The following CHODL variants were observed in gnomAD, a reference collection of about 807,000 sequenced individuals.
CHODL encodes transmembrane protein MT75.
In CHODL, 29 loss-of-function variants were observed where a neutral mutation model predicts 34.5. The ratio of observed to expected loss-of-function variants is 0.84; its 90% CI spans 0.63 to 1.15. The LOEUF is 1.15. CHODL is among the 50% of genes most tolerant of loss of function. CHODL has a pLI of 0.00. For missense variants in CHODL, 332 were observed against 332.5 expected (o/e 1.00, Z 0.01); for synonymous variants, 125 against 116.1 (o/e 1.08, Z -0.49).
intron 2 of CHODL, among the ~76,000 whole-genome samples, chr21:18,064,873 T>C (rs1419049741): frequency 6.6e-6 from 1 of 152,180 alleles, no homozygotes; most frequent in African/African-American, 2.4e-5. Context: ...ATTAGTTAAA[T>C]TAAGTTAAAA....
intron 1 of CHODL, among the ~76,000 whole-genome samples, chr21:17,940,814 C>T (rs1258711733): frequency 6.6e-6 from 1 of 152,216 alleles, no homozygotes; most frequent in East Asian, 1.9e-4. Flanking sequence ...AATAGACGCT[C>T]TTCATCCCCT....
intron 2 of CHODL, among the ~76,000 whole-genome samples, chr21:18,204,663 G>T (rs372649356): frequency 6.6e-6 from 1 of 152,066 alleles, no homozygotes; most frequent in African/African-American, 2.4e-5. Context: ...ATGAAACATA[G>T]CTCATGTTAC....
chr21:18,089,331 T>C (rs1373101879), intron 2 of CHODL, among the ~76,000 whole-genome samples: 2 of 152,166 alleles, frequency 1.3e-5, no homozygotes, highest in African/African-American at 4.8e-5. Flanking sequence ...TATTAATTTA[T>C]CTGTTTTCTT....
intron 1 of CHODL, among the ~76,000 whole-genome samples, chr21:18,249,331 T>C (rs1490325148): frequency 6.6e-6 from 1 of 151,372 alleles, no homozygotes. Context: ...ACAACTTGGC[T>C]AAAGTTATAC....
At chr21:17,941,674 C>T (rs1007218213) in intron 1 of CHODL, among the ~76,000 whole-genome samples, 1 of 152,074 alleles carries the variant, frequency 6.6e-6, no homozygotes, top group African/African-American at 2.4e-5. Flanking sequence ...ATTTGGCTAT[C>T]TATTTTTGGG....
intron 2 of CHODL, among the ~76,000 whole-genome samples, chr21:18,173,877 A>C (rs764973872): frequency 5.3e-5 from 8 of 151,754 alleles, no homozygotes; most frequent in Non-Finnish European, 1.0e-4. Context: ...TTAAAAAAAA[A>C]TTATGCAACC....
At position 18,211,319 on chromosome 21, in the gene CHODL, T is replaced by C. The variant is rs144312954; in HGVS notation, c.-44-45190T>C. On this transcript the variant is annotated intron_variant, in intron 2 of 6. Transcript: ENST00000400127. ...TGAGCTCTAGAAGGCAGGGATTTTC[T>C]GTTTTGTTCAGATCTGTACCTGTAT... Among the ~76,000 whole-genome samples, 647 of 152,304 alleles carry C rather than the reference T, an allele frequency of 4.2e-3. 17 individuals carry two copies. The highest frequency in any genetic ancestry group is 0.033 in the Admixed American group (505 of 15,306).
At chr21:18,098,358 A>T (rs2065166326) in intron 2 of CHODL, among the ~76,000 whole-genome samples, 1 of 151,970 alleles carries the variant, frequency 6.6e-6, no homozygotes, top group African/African-American at 2.4e-5. Context: ...CAATAACTCT[A>T]TAGGAAAAAA....
At chr21:18,095,444 A>G (rs2065128698) in intron 2 of CHODL, among the ~76,000 whole-genome samples, 1 of 152,168 alleles carries the variant, frequency 6.6e-6, no homozygotes, top group Non-Finnish European at 1.5e-5. Context: ...ATAACCTATT[A>G]AGATTGAACC....
chr21:18,112,589 A>G (rs1372986517), intron 2 of CHODL, among the ~76,000 whole-genome samples: 1 of 152,216 alleles, frequency 6.6e-6, no homozygotes, highest in Non-Finnish European at 1.5e-5. Context: ...GGAACAGAAT[A>G]GAGAACTCAG....
chr21:17,967,229 A>G (rs557745117), intron 1 of CHODL, among the ~76,000 whole-genome samples: 2 of 152,148 alleles, frequency 1.3e-5, no homozygotes, highest in African/African-American at 4.8e-5. Flanking sequence ...TTTTATTTTA[A>G]CAGTAGTTTT....
intron 2 of CHODL, among the ~76,000 whole-genome samples, chr21:18,139,588 C>T (rs188471484): frequency 6.6e-6 from 1 of 152,234 alleles, no homozygotes; most frequent in Non-Finnish European, 1.5e-5. Context: ...TGACCACGAC[C>T]TCCACTGTGT....
In CHODL at chr21:18,048,955, A is replaced by G. The variant is rs904493130; in HGVS notation, c.-45+20984A>G. Among the ~76,000 whole-genome samples the G allele has an allele frequency of 4.6e-5, 7 of 151,938 alleles. No homozygotes were observed. The East Asian group carries it at 7.8e-4, about 17-fold the overall frequency. Reference sequence around the variant, plus strand: ...AAAAAAAATAGAATTTTGGTTTACAATGATTTTCAGATGACACTAAAGAAC... The same window carrying G: ...AAAAAAAATAGAATTTTGGTTTACAGTGATTTTCAGATGACACTAAAGAAC... On this transcript the variant is annotated intron_variant, in intron 2 of 6. Transcript: ENST00000400127.
intron 2 of CHODL, among the ~76,000 whole-genome samples, chr21:18,120,433 A>C (rs2065465824): frequency 6.6e-6 from 1 of 152,118 alleles, no homozygotes; most frequent in Non-Finnish European, 1.5e-5. Context: ...TTCTGTCCAC[A>C]TCCCTGTCAT....
At chr21:18,219,287 A>G (rs1359773944) in intron 2 of CHODL, among the ~76,000 whole-genome samples, 1 of 152,168 alleles carries the variant, frequency 6.6e-6, no homozygotes, top group East Asian at 1.9e-4. Context: ...TGATGACAGG[A>G]AGGAGAAGTG....
chr21:18,247,703 G>T (rs1601197752), intron 1 of CHODL, among the ~76,000 whole-genome samples: 1 of 152,044 alleles, frequency 6.6e-6, no homozygotes, highest in African/African-American at 2.4e-5. Flanking sequence ...TATGATGATA[G>T]TAATCAAAGC....
chr21:17,926,377 T>TGG (rs574979326), intron 1 of CHODL, among the ~76,000 whole-genome samples: 169 of 132,062 alleles, frequency 1.3e-3, no homozygotes, highest in African/African-American at 5.5e-3. Flanking sequence ...ATAAGGTGGG[T>TGG]TTTTTTTTTT....
intron 2 of CHODL, among the ~76,000 whole-genome samples, chr21:18,188,611 A>G (rs1409168672): frequency 1.3e-5 from 2 of 152,260 alleles, no homozygotes; most frequent in African/African-American, 2.4e-5. Flanking sequence ...CTTCCTGAAT[A>G]GTGTTTTCAA....
intron 1 of CHODL, among the ~76,000 whole-genome samples, chr21:17,935,858 GAGAGA>G (rs2063314891): frequency 6.6e-6 from 1 of 152,168 alleles, no homozygotes. Flanking sequence ...GTAAGGGATA[GAGAGA>G]AGAGCACGAA....
Sources: gnomAD v4.1 joint callset for allele counts (sites outside exome capture counted in the v4.1 genomes callset) on GRCh38, gnomAD v4.1.1 for gene constraint, MANE v1.5 for transcripts, NCBI Gene and HGNC (gene_info 2026-07-23, HGNC 2026-07-21) for gene names.